The following PALS1 variants were observed in gnomAD, a reference collection of about 807,000 sequenced individuals.
The protein encoded by PALS1 is protein associated with LIN7 1, MAGUK p55 family member.
Under a neutral mutation model 78.9 loss-of-function variants are expected in PALS1, and 31 were observed. That is an observed-to-expected ratio of 0.39 (90% CI 0.30 to 0.53). The LOEUF (loss-of-function observed/expected upper bound fraction) is 0.53. Ranked by LOEUF, PALS1 falls within the 20% of genes least tolerant of loss-of-function variation. The pLI is 0.67. For synonymous variants in PALS1, 276 were observed against 270.9 expected, an observed-to-expected ratio of 1.02 and a Z score of -0.18; for missense variants, 704 against 826.5, an observed-to-expected ratio of 0.85 and a Z score of 1.82.
chr14:67,328,243 C>T (rs1011960220), intron 14 of PALS1, among the ~76,000 whole-genome samples: 37 of 152,308 alleles, frequency 2.4e-4, no homozygotes, highest in South Asian at 6.2e-4. Flanking sequence ...TGATGATGAG[C>T]ATTTTTTCAT....
At chr14:67,265,359 C>G (rs2084305671) in intron 1 of PALS1, among the ~76,000 whole-genome samples, 2 of 152,018 alleles carry the variant, frequency 1.3e-5, no homozygotes, top group South Asian at 4.1e-4. Context: ...GAGTTGAAGA[C>G]CAGACTGGGC....
At position 67,302,393 on chromosome 14, in the gene PALS1, CAT is replaced by C; in HGVS notation, c.802-8_802-7del. 3 of 1,449,448 alleles carry C rather than the reference CAT, an allele frequency of 2.1e-6. No individual in the cohort carries two copies. The highest frequency in any genetic ancestry group is 2.8e-6 in the Non-Finnish European group (3 of 1,083,814). 89.8% of individuals were successfully genotyped at this position (1,449,448 alleles called of 1,614,324 possible). The stretch of plus-strand genomic sequence containing the variant: ...GTATTATTTTTATTTTTAAATTATA[CAT>C]ATATATATTTTTAGGGTGCTACAGT... On this transcript the variant is annotated splice_polypyrimidine_tract_variant and intron_variant, in intron 6 of 14. Coordinates refer to ENST00000261681, the MANE Select transcript of PALS1 (RefSeq NM_022474.4).
chr14:67,284,547 TAAAAAAAAAAAAAAAAA>T (rs36207191), intron 3 of PALS1, among the ~76,000 whole-genome samples: 37 of 23,294 alleles, frequency 1.6e-3, no homozygotes, highest in South Asian at 2.6e-3. Flanking sequence ...GCTGCAGTGC[TAAAAAAAAAAAAAAAAA>T]AAAAAAAAAA....
rs536757661 is a variant in PALS1 at position 67,284,905 on chromosome 14, AATTTTT to A, written c.367+5387_367+5392del. 2.1e-4 allele frequency among the ~76,000 whole-genome samples: 32 copies of A among 152,130 alleles called. 1 individual carries two copies. The highest frequency in any genetic ancestry group is 4.1e-4 in the Non-Finnish European group (28 of 68,006). ...GTTTTTCCATTCGTCTAGGTTAAAA[AATTTTT>A]ATTTTTATTTTTATTTTTTTGTAGA... On this transcript the variant is annotated intron_variant, in intron 3 of 14. Coordinates refer to ENST00000261681, the MANE Select transcript of PALS1 (RefSeq NM_022474.4).
At chr14:67,311,340 A>G (rs1358456513) in intron 8 of PALS1, among the ~76,000 whole-genome samples, 1 of 150,862 alleles carries the variant, frequency 6.6e-6, no homozygotes, top group African/African-American at 2.4e-5. Context: ...AGCCAAAGCC[A>G]AATAATATTT....
intron 4 of PALS1, among the ~76,000 whole-genome samples, chr14:67,298,000 G>A (rs1020996640): frequency 6.6e-5 from 10 of 152,108 alleles, no homozygotes; most frequent in African/African-American, 9.7e-5. Flanking sequence ...CAGTTGTTGT[G>A]GGGAGACAGC....
intron 1 of PALS1, among the ~76,000 whole-genome samples, chr14:67,252,224 C>T (rs898765690): frequency 6.6e-6 from 1 of 152,146 alleles, no homozygotes; most frequent in African/African-American, 2.4e-5. Context: ...AGGTCTTGCT[C>T]TGTCACCCAG....
Position 67,333,078 on chromosome 14 carries a change from T to TAAGAACAGATCTACA in PALS1, c.*122_*123insAAGAACAGATCTACA. ...AAGGCAGCAGTATAAGCTGTAGATC[T>TAAGAACAGATCTACA]GTTCTTAGATCTCTTGAATTAGTGA... On this transcript the variant is annotated 3_prime_UTR_variant, in exon 15 of 15. Coordinates refer to ENST00000261681, the MANE Select transcript of PALS1 (RefSeq NM_022474.4). 2.5e-6 allele frequency: 2 copies of TAAGAACAGATCTACA among 815,164 alleles called. No homozygotes were observed. Among genetic ancestry groups the TAAGAACAGATCTACA allele is most frequent in the Non-Finnish European group, 3.8e-6 (2 of 531,396 alleles). The allele number at this position is 815,164 out of a possible 1,614,324, so 50.5% of individuals were successfully genotyped here.
At chr14:67,283,016 A>C (rs934132481) in intron 3 of PALS1, among the ~76,000 whole-genome samples, 2 of 152,112 alleles carry the variant, frequency 1.3e-5, no homozygotes, top group Non-Finnish European at 2.9e-5. Flanking sequence ...GTGACTATAA[A>C]ATTGTTGTCT....
At position 67,302,404 on chromosome 14, in the gene PALS1, T is replaced by A. The variant is rs781348661; in HGVS notation, c.802-6T>A. 5 of 1,531,710 alleles carry A rather than the reference T, an allele frequency of 3.3e-6. No homozygotes were observed. The South Asian group carries it at 3.8e-5, about 12-fold the overall frequency. 94.9% of individuals were successfully genotyped at this position (1,531,710 alleles called of 1,614,324 possible). A position where few individuals can be genotyped will look rare whatever the true frequency, so the allele number is the denominator to read the frequency against. The stretch of plus-strand genomic sequence containing the variant: ...ATTTTTAAATTATACATATATATAT[T>A]TTTAGGGTGCTACAGTTCGTAATGA... On this transcript the variant is annotated splice_region_variant and splice_polypyrimidine_tract_variant and intron_variant, in intron 6 of 14. Transcript: ENST00000261681.
intron 14 of PALS1, among the ~76,000 whole-genome samples, chr14:67,330,202 GAAAT>G (rs2085427337): frequency 6.7e-6 from 1 of 150,260 alleles, no homozygotes; most frequent in African/African-American, 2.4e-5. Flanking sequence ...TTTAGCAAAA[GAAAT>G]AAGTTGGAGG....
chr14:67,289,730 C>A (rs2084744201), intron 3 of PALS1, among the ~76,000 whole-genome samples: 1 of 149,440 alleles, frequency 6.7e-6, no homozygotes, highest in African/African-American at 2.5e-5. Context: ...AAGAAGAGAG[C>A]TGACAAAAAG....
Position 67,335,477 on chromosome 14 carries a change from C to T in PALS1, c.*2521C>T, listed in dbSNP as rs1251524190. On this transcript the variant is annotated 3_prime_UTR_variant, in exon 15 of 15. Coordinates refer to ENST00000261681, the MANE Select transcript of PALS1 (RefSeq NM_022474.4). ...CAAATAAGGAAGTTTTAGGTTGGTG[C>T]ATAACTTTGTTTCTCAAATTTTCGT... The T allele has an allele frequency of 6.6e-6, 1 of 152,512 alleles. No homozygotes were observed. Among genetic ancestry groups the T allele is most frequent in the Non-Finnish European group, 1.5e-5 (1 of 68,028 alleles). The allele number at this position is 152,512 out of a possible 1,614,324, so 9.4% of individuals were successfully genotyped here.
chr14:67,315,268 ATTTTTTTTTTTTTT>A (rs531037352), intron 9 of PALS1, among the ~76,000 whole-genome samples: 1 of 101,590 alleles, frequency 9.8e-6, no homozygotes, highest in South Asian at 3.3e-4. Context: ...CTTATTTTTA[ATTTTTTTTTTTTTT>A]TTTTTTTTTT....
At position 67,292,520 on chromosome 14, in the gene PALS1, A is replaced by T; in HGVS notation, c.377A>T (p.Asp126Val). Residue 126 changes from aspartate to valine, a missense_variant, in exon 4 of 15, where the codon GAC becomes GTC. Physicochemically the swap from Asp to Val is radical, Grantham distance 152. Coordinates refer to ENST00000261681, the MANE Select transcript of PALS1 (RefSeq NM_022474.4). ...HYAVKILEIE[D>V]LFSSLKHIQH... ...TTTCTTCTTCTACTAGAAATAGAAG[A>T]CTTGTTTTCTTCACTTAAACATATC... is the stretch of plus-strand genomic sequence containing the variant. 1 of 1,607,408 alleles carries T rather than the reference A, an allele frequency of 6.2e-7. No individual in the cohort carries two copies. Among genetic ancestry groups the T allele is most frequent in the Non-Finnish European group, 8.5e-7 (1 of 1,174,460 alleles).
intron 3 of PALS1, among the ~76,000 whole-genome samples, chr14:67,284,413 C>A (rs1434404522): frequency 1.9e-5 from 2 of 103,994 alleles, no homozygotes; most frequent in African/African-American, 1.2e-4. Flanking sequence ...GCTTGGGCAA[C>A]ATAGACCCTA....
intron 13 of PALS1, 136 bp downstream of exon 13, chr14:67,321,395 A>G (rs1468790740): frequency 5.2e-6 from 4 of 773,888 alleles, no homozygotes; most frequent in Non-Finnish European, 8.3e-6. Context: ...CTGATTTGCT[A>G]TCTGAAATCA....
intron 1 of PALS1, among the ~76,000 whole-genome samples, chr14:67,268,097 T>G (rs2084356891): frequency 6.6e-6 from 1 of 152,216 alleles, no homozygotes; most frequent in Non-Finnish European, 1.5e-5. Context: ...TTCTCTTGTG[T>G]GGAATGTCTC....
At chr14:67,242,683 GCTTT>G (rs142791208) in intron 1 of PALS1, among the ~76,000 whole-genome samples, 7,318 of 151,700 alleles carry the variant, frequency 0.048, 191 homozygotes, top group Middle Eastern at 0.054. Flanking sequence ...GGTTTTATAG[GCTTT>G]CTATTTGCGG....
Sources: allele counts gnomAD v4.1 joint callset (sites outside exome capture counted in the v4.1 genomes callset), GRCh38; gene constraint gnomAD v4.1.1; transcripts MANE v1.5; gene names NCBI Gene and HGNC (gene_info 2026-07-23, HGNC 2026-07-21).